The following ZPR1 variants were observed in gnomAD, a reference collection of about 807,000 sequenced individuals.
ZPR1 encodes ZPR1 zinc finger.
In ZPR1, 37 loss-of-function variants were observed where a neutral mutation model predicts 59.6. The observed-to-expected ratio is 0.62, with a 90% CI of 0.48 to 0.82. The LOEUF (loss-of-function observed/expected upper bound fraction) is 0.82, where lower values mean the gene tolerates loss of function less well. ZPR1 is among the 40% of genes least tolerant of loss of function. ZPR1 has a pLI of 0.00. For synonymous variants in ZPR1, 191 were observed against 215.2 expected (o/e 0.89, Z 0.99); for missense variants, 527 against 579.9 (o/e 0.91, Z 0.94).
At chr11:116,783,301 A>G (rs1247423543) in intron 10 of ZPR1, among the ~76,000 whole-genome samples, 1 of 152,198 alleles carries the variant, frequency 6.6e-6, no homozygotes, top group East Asian at 1.9e-4. Context: ...CCAGATAGAC[A>G]CTGGAGGCCA....
Position 116,787,404 on chromosome 11 carries a change from C to T in ZPR1, c.333+78G>A, listed in dbSNP as rs1410505641. ...ATAGGGGGATTTATTTAAGATCCGACCGCCTGGACCAGAGCTCTGACCCCA... is the reference window on the plus strand; with the variant it reads ...ATAGGGGGATTTATTTAAGATCCGATCGCCTGGACCAGAGCTCTGACCCCA... On this transcript the variant is annotated intron_variant, in intron 2 of 13. Coordinates refer to ENST00000227322, the MANE Select transcript of ZPR1 (RefSeq NM_003904.5). The T allele has an allele frequency of 2.4e-5, 35 of 1,474,050 alleles. No homozygotes were observed. In the East Asian group the frequency reaches 3.7e-4, roughly 15 times the overall value. 91.3% of individuals were successfully genotyped at this position (1,474,050 alleles called of 1,614,324 possible). A position where few individuals can be genotyped will look rare whatever the true frequency, so the allele number is the denominator to read the frequency against.
chr11:116,784,775 G>T, intron 8 of ZPR1, 80 bp downstream of exon 8: 1 of 1,429,244 alleles, frequency 7.0e-7, no homozygotes, highest in Non-Finnish European at 9.8e-7. Context: ...TGTTTTCCTT[G>T]AAAGGGATGC....
At chr11:116,784,471 T>C in intron 8 of ZPR1, 23 bp from the exon 9 acceptor site, 1 of 1,611,766 alleles carries the variant, frequency 6.2e-7, no homozygotes, top group Non-Finnish European at 8.5e-7. Flanking sequence ...GTTAAGGAAA[T>C]CTACTTCCAG....
In ZPR1 at chr11:116,775,528, T is replaced by A. The variant is rs1430499202; in HGVS notation, c.*3397A>T. The A allele has an allele frequency of 6.6e-6, 1 of 151,558 alleles. No homozygotes were observed. Among genetic ancestry groups the A allele is most frequent in the Non-Finnish European group, 1.5e-5 (1 of 67,760 alleles). The allele number at this position is 151,558 out of a possible 1,614,324, so 9.4% of individuals were successfully genotyped here. ...CTGTAGTCCCAGCTACTCAGAAGGC[T>A]GAGGCAAGAGAATCGCTTGAACCTG... On this transcript the variant is annotated 3_prime_UTR_variant, in exon 14 of 14. Coordinates refer to ENST00000227322, the MANE Select transcript of ZPR1 (RefSeq NM_003904.5).
At chr11:116,786,020 A>G in intron 4 of ZPR1, 138 bp from the exon 5 acceptor site, 2 of 764,642 alleles carry the variant, frequency 2.6e-6, no homozygotes, top group Non-Finnish European at 4.5e-6. Context: ...AGGCTTCACA[A>G]TGAGATGTAG....
chr11:116,783,707 A>C (rs987178828), intron 9 of ZPR1, 88 bp from the exon 10 acceptor site: 1 of 1,069,254 alleles, frequency 9.4e-7, no homozygotes, highest in African/African-American at 1.6e-5. Flanking sequence ...TTGGACATCC[A>C]ATCAGTTAGG....
intron 4 of ZPR1, 26 bp from the exon 5 acceptor site, chr11:116,785,908 C>T (rs1183444491): frequency 7.5e-6 from 12 of 1,605,420 alleles, no homozygotes; most frequent in South Asian, 2.2e-5. Flanking sequence ...AGTAAAGCAT[C>T]AGCCCTGGTG....
At chr11:116,787,434 C>A in intron 2 of ZPR1, 48 bp downstream of exon 2, 1 of 1,585,104 alleles carries the variant, frequency 6.3e-7, no homozygotes, top group African/African-American at 1.3e-5. Flanking sequence ...ACCCCAGTAC[C>A]GAATCTCTCT....
At chr11:116,779,194 G>C in intron 13 of ZPR1, 135 bp from the exon 14 acceptor site, 1 of 1,258,338 alleles carries the variant, frequency 7.9e-7, no homozygotes, top group Non-Finnish European at 1.1e-6. Context: ...ATTTCCCATG[G>C]CTAGACTGAA....
rs1225750515 is a variant in ZPR1, at chr11:116,778,972, C to T, written c.1333G>A (p.Asp445Asn). ...FDQNEELGLN[D>N]MKTEGYEAGL... ...GCCTCATAGCCCTCTGTCTTCATGT[C>T]ATTGAGCCCTAGCTCCTCATTTTGG... Residue 445 changes from aspartate (D) to asparagine (N), a missense_variant, in exon 14 of 14, where the codon GAC becomes AAC. By Grantham distance (23) the Asp-to-Asn change is conservative. Transcript: ENST00000227322. The T allele has an allele frequency of 6.2e-7, 1 of 1,614,202 alleles. No individual in the cohort carries two copies. Among genetic ancestry groups the T allele is most frequent in the East Asian group, 2.2e-5 (1 of 44,886 alleles).
chr11:116,786,819 T>C, intron 3 of ZPR1, 150 bp downstream of exon 3: 1 of 756,764 alleles, frequency 1.3e-6, no homozygotes, highest in African/African-American at 1.7e-5. Context: ...ACCTAAGCTT[T>C]CCACTCATGA....
chr11:116,783,564 G>A lies in ZPR1; in HGVS notation c.947C>T (p.Thr316Ile). 1 of 1,614,144 alleles carries A rather than the reference G, an allele frequency of 6.2e-7. No individual in the cohort carries two copies. Among genetic ancestry groups the A allele is most frequent in the Non-Finnish European group, 8.5e-7 (1 of 1,180,010 alleles). Residue 316 changes from threonine to isoleucine, a missense_variant, in exon 10 of 14, where the codon ACA becomes ATA. By Grantham distance (89) the Thr-to-Ile change is moderately conservative. Transcript: ENST00000227322. The stretch of plus-strand genomic sequence containing the variant: ...GTCTCTGGTCATATCTGAGGCATCT[G>A]TGATGTGGAGGGTGATCCTGGTGCC... ...PLGTRITLHI[T>I]DASDMTRDLL...
intron 13 of ZPR1, 132 bp from the exon 14 acceptor site, chr11:116,779,191 A>C: frequency 7.9e-7 from 1 of 1,272,370 alleles, no homozygotes; most frequent in Non-Finnish European, 1.1e-6. Context: ...CCAATTTCCC[A>C]TGGCTAGACT....
At chr11:116,783,695 G>T in intron 9 of ZPR1, 76 bp from the exon 10 acceptor site, 4 of 1,207,442 alleles carry the variant, frequency 3.3e-6, no homozygotes, top group Non-Finnish European at 3.7e-6. Flanking sequence ...TGGAGTGTAG[G>T]CTTGGACATC....
intron 11 of ZPR1, 105 bp from the exon 12 acceptor site, chr11:116,782,349 T>G: frequency 1.1e-6 from 1 of 936,528 alleles, no homozygotes; most frequent in Non-Finnish European, 1.7e-6. Context: ...TCAGGGAAAC[T>G]TGGTTTCCAT....
Position 116,787,932 on chromosome 11 carries a change from G to C in ZPR1, c.59C>G (p.Pro20Arg). The C allele has an allele frequency of 6.8e-7, 1 of 1,478,612 alleles. No individual in the cohort carries two copies. The highest frequency in any genetic ancestry group is 8.9e-7 in the Non-Finnish European group (1 of 1,122,278). 91.6% of individuals were successfully genotyped at this position (1,478,612 alleles called of 1,614,324 possible). The change falls in exon 1 of 14, where the codon CCC becomes CGC. Residue 20 changes from proline (P) to arginine (R), a missense_variant. By Grantham distance (103) the Pro-to-Arg change is moderately radical. Coordinates refer to ENST00000227322, the MANE Select transcript of ZPR1 (RefSeq NM_003904.5). ...GPPGAAVAPSPAPAPPPAPDH... is the reference protein window; with the variant it reads ...GPPGAAVAPSRAPAPPPAPDH... Reference sequence around the variant, plus strand: ...AGGGGCAGGCGGCGGGGCCGGGGCGGGCGACGGGGCGACGGCAGCCCCCGG... The same window carrying C: ...AGGGGCAGGCGGCGGGGCCGGGGCGCGCGACGGGGCGACGGCAGCCCCCGG...
At chr11:116,784,536 G>A (rs775052336) in intron 8 of ZPR1, 88 bp from the exon 9 acceptor site, 5 of 1,267,088 alleles carry the variant, frequency 3.9e-6, no homozygotes, top group Non-Finnish European at 5.8e-6. Context: ...ACAAACATAT[G>A]CTGGTCCCAG....
intron 12 of ZPR1, among the ~76,000 whole-genome samples, chr11:116,780,515 T>C (rs1405569453): frequency 6.6e-6 from 1 of 151,468 alleles, no homozygotes; most frequent in African/African-American, 2.4e-5. Flanking sequence ...CTTGCTGATG[T>C]TGGCTTTTCT....
chr11:116,786,393 C>G, intron 4 of ZPR1, 118 bp downstream of exon 4: 1 of 1,070,302 alleles, frequency 9.3e-7, no homozygotes. Flanking sequence ...AGCTCCAGCA[C>G]CACCATATGC....
Sources: allele counts gnomAD v4.1 joint callset (sites outside exome capture counted in the v4.1 genomes callset), GRCh38; gene constraint gnomAD v4.1.1; transcripts MANE v1.5; gene names NCBI Gene and HGNC (gene_info 2026-07-23, HGNC 2026-07-21).